The following YTHDF3 variants were observed in gnomAD, a reference collection of about 807,000 sequenced individuals.
YTHDF3 encodes the protein YTH N6-methyladenosine RNA binding protein F3.
A neutral mutation model predicts 52.5 loss-of-function variants in YTHDF3; 9 were observed. The ratio of observed to expected loss-of-function variants is 0.17; its 90% confidence interval spans 0.10 to 0.30. The LOEUF is 0.30. YTHDF3 is among the 10% of genes least tolerant of loss of function. The pLI is 1.00. For missense variants in YTHDF3, 534 were observed against 715.0 expected (o/e 0.75, Z 2.89); for synonymous variants, 274 against 243.3 (o/e 1.13, Z -1.18).
chr8:63,197,330 G>A (rs930017090), intron 4 of YTHDF3, among the ~76,000 whole-genome samples: 1 of 152,054 alleles, frequency 6.6e-6, no homozygotes, highest in South Asian at 2.1e-4. Flanking sequence ...AGGTGTAATC[G>A]CTGTTACTTG....
chr8:63,212,398 G>A lies in YTHDF3; in HGVS notation c.*2692G>A, dbSNP rs7464. 0.34 allele frequency: 51,754 copies of A among 152,220 alleles called. 11,882 individuals carry two copies. The highest frequency in any genetic ancestry group is 0.76 in the East Asian group (3,957 of 5,176). The allele number at this position is 152,220 out of a possible 1,614,324, so 9.4% of individuals were successfully genotyped here. ...GAAAGCTGTGTTCTTTTTGAATACC[G>A]TGCATGGGGGTTAAGCTGATGTTAA... On this transcript the variant is annotated 3_prime_UTR_variant, in exon 5 of 5. Coordinates refer to ENST00000539294, the MANE Select transcript of YTHDF3 (RefSeq NM_152758.6).
chr8:63,199,587 A>G (rs1809467106), intron 4 of YTHDF3, among the ~76,000 whole-genome samples: 1 of 152,176 alleles, frequency 6.6e-6, no homozygotes, highest in Non-Finnish European at 1.5e-5. Context: ...AAATTATTGA[A>G]TTATTCCTGT....
In YTHDF3 at chr8:63,186,280, A is replaced by G; in HGVS notation, c.269A>G (p.Tyr90Cys). The G allele has an allele frequency of 6.2e-7, 1 of 1,613,988 alleles. No individual in the cohort carries two copies. Among genetic ancestry groups the G allele is most frequent in the Non-Finnish European group, 8.5e-7 (1 of 1,179,894 alleles). The part of the protein sequence containing the change: ...GDQPMPYLTT[Y>C]GQMSNGEHHY... Reference sequence around the variant, plus strand: ...CAGCCTATGCCATATCTGACAACCTATGGACAAATGAGTAATGGAGAACAT... The same window carrying G: ...CAGCCTATGCCATATCTGACAACCTGTGGACAAATGAGTAATGGAGAACAT... The change falls in exon 4 of 5, where the codon TAT becomes TGT. Residue 90 changes from tyrosine to cysteine, a missense_variant. Tyr to Cys is a radical substitution (Grantham distance 194). Around this residue, in one of 3 missense-constraint regions of YTHDF3, gnomAD observed 196 missense variants for 299.5 expected, o/e 0.65. Coordinates refer to ENST00000539294, the MANE Select transcript of YTHDF3 (RefSeq NM_152758.6).
chr8:63,186,655 G>A lies in YTHDF3; in HGVS notation c.644G>A (p.Ser215Asn), dbSNP rs758071490. The change falls in exon 4 of 5, where the codon AGT becomes AAT. Residue 215 changes from serine to asparagine, a missense_variant. This residue lies in a region of YTHDF3 where 196 missense variants were observed against 299.5 expected (regional missense o/e 0.65). Coordinates refer to ENST00000539294, the MANE Select transcript of YTHDF3 (RefSeq NM_152758.6). ...TKTVGTALSS[S>N]GMTSIATNSV... ...ACTGTAGGTACAGCTTTGAGCAGCAGTGGTATGACTAGCATTGCAACCAAT... is the reference window on the plus strand; with the variant it reads ...ACTGTAGGTACAGCTTTGAGCAGCAATGGTATGACTAGCATTGCAACCAAT... 1 of 1,614,016 alleles carries A rather than the reference G, an allele frequency of 6.2e-7. No individual in the cohort carries two copies. Among genetic ancestry groups the A allele is most frequent in the East Asian group, 2.2e-5 (1 of 44,880 alleles).
rs1020875827 is a variant in YTHDF3, at chr8:63,179,825, G to A, written c.135+4409G>A. On this transcript the variant is annotated intron_variant, in intron 3 of 4. Transcript: ENST00000539294. ...CAGAGGTGCCCCTCACCTCCCGGAC[G>A]GGGCGGCTGGCCGGGTGGGGGGCTG... Among the ~76,000 whole-genome samples, 7 of 151,816 alleles carry A rather than the reference G, an allele frequency of 4.6e-5. No individual in the cohort carries two copies. In the East Asian group the frequency reaches 5.9e-4, roughly 13 times the overall value.
chr8:63,187,877 G>A (rs187285246), intron 4 of YTHDF3, 132 bp downstream of exon 4: 2 of 1,028,200 alleles, frequency 1.9e-6, no homozygotes, highest in Non-Finnish European at 2.8e-6. Flanking sequence ...AAACACCCTT[G>A]AAGGTATCTA....
chr8:63,173,837 T>TTA (rs1415652172), intron 2 of YTHDF3, among the ~76,000 whole-genome samples: 1 of 152,202 alleles, frequency 6.6e-6, no homozygotes, highest in Non-Finnish European at 1.5e-5. Flanking sequence ...GATGCAGTCC[T>TTA]TATCAGACAT....
chr8:63,177,113 A>G (rs923583543), intron 3 of YTHDF3, among the ~76,000 whole-genome samples: 1 of 152,240 alleles, frequency 6.6e-6, no homozygotes, highest in African/African-American at 2.4e-5. Context: ...AACGTACTCT[A>G]AAATTTTAAC....
rs1239036891 is a variant in YTHDF3 at position 63,184,598 on chromosome 8, A to AG, written c.136-1549_136-1548insG. 5.9e-5 allele frequency among the ~76,000 whole-genome samples: 9 copies of AG among 152,356 alleles called. No individual in the cohort carries two copies. The East Asian group carries it at 1.7e-3, about 29-fold the overall frequency. ...TAAGCCTTTTCAAAAATAATTTAAA[A>AG]TTAGTTCCAGGCAGGATCTATGACG... On this transcript the variant is annotated intron_variant, in intron 3 of 4. Coordinates refer to ENST00000539294, the MANE Select transcript of YTHDF3 (RefSeq NM_152758.6).
At chr8:63,185,150 A>G (rs1339025685) in intron 3 of YTHDF3, among the ~76,000 whole-genome samples, 1 of 152,092 alleles carries the variant, frequency 6.6e-6, no homozygotes, top group Non-Finnish European at 1.5e-5. Context: ...AAGCACACCT[A>G]AATCAAAGAT....
At chr8:63,182,955 C>CT (rs11381385) in intron 3 of YTHDF3, among the ~76,000 whole-genome samples, 103,836 of 143,552 alleles carry the variant, frequency 0.72, 38,258 homozygotes, top group East Asian at 0.97. Context: ...ACAGTTTTAT[C>CT]TTTTTTTTTT....
intron 4 of YTHDF3, among the ~76,000 whole-genome samples, chr8:63,188,094 A>G (rs956884275): frequency 3.3e-5 from 5 of 152,140 alleles, no homozygotes; most frequent in African/African-American, 1.2e-4. Flanking sequence ...TATTAATCAT[A>G]CTAACATAGG....
intron 4 of YTHDF3, among the ~76,000 whole-genome samples, chr8:63,200,931 G>GA (rs1381396964): frequency 1.3e-5 from 2 of 152,132 alleles, no homozygotes; most frequent in African/African-American, 2.4e-5. Flanking sequence ...AAAACTTAGG[G>GA]AGGGGAGGCA....
intron 4 of YTHDF3, among the ~76,000 whole-genome samples, chr8:63,208,118 T>C (rs1810153731): frequency 6.6e-6 from 1 of 152,228 alleles, no homozygotes. Context: ...TTTGTTATTT[T>C]AGTCTTCCAT....
intron 3 of YTHDF3, among the ~76,000 whole-genome samples, chr8:63,182,871 A>G (rs925878809): frequency 6.6e-6 from 1 of 151,980 alleles, no homozygotes; most frequent in African/African-American, 2.4e-5. Context: ...TATGCATTTG[A>G]TAAGTGGTTG....
At chr8:63,188,134 T>G (rs1808650403) in intron 4 of YTHDF3, among the ~76,000 whole-genome samples, 1 of 151,618 alleles carries the variant, frequency 6.6e-6, no homozygotes, top group African/African-American at 2.4e-5. Flanking sequence ...TGAAACAACT[T>G]TTTTTTTGAG....
At chr8:63,170,770 G>A (rs1807271242) in intron 2 of YTHDF3, among the ~76,000 whole-genome samples, 2 of 152,084 alleles carry the variant, frequency 1.3e-5, no homozygotes, top group South Asian at 4.1e-4. Context: ...ACTTTGCAAA[G>A]CTATTTGAAA....
chr8:63,206,067 T>C (rs1262201853), intron 4 of YTHDF3, among the ~76,000 whole-genome samples: 1 of 152,116 alleles, frequency 6.6e-6, no homozygotes, highest in Non-Finnish European at 1.5e-5. Context: ...CTAAATTTAG[T>C]GTACCTGTTT....
chr8:63,202,092 A>G (rs1404474861), intron 4 of YTHDF3, among the ~76,000 whole-genome samples: 3 of 152,228 alleles, frequency 2.0e-5, no homozygotes, highest in Non-Finnish European at 4.4e-5. Flanking sequence ...AACTCAGTCT[A>G]CTTAGGAAGC....
Sources: gnomAD v4.1 joint callset for allele counts (sites outside exome capture counted in the v4.1 genomes callset) on GRCh38, gnomAD v4.1.1 for gene constraint, gnomAD v4.1.1 regional missense constraint, MANE v1.5 for transcripts, NCBI Gene and HGNC (gene_info 2026-07-23, HGNC 2026-07-21) for gene names.